Variants in ATP6V1A observed in about 807,000 individuals in gnomAD.
ATP6V1A encodes the protein V-type proton ATPase catalytic subunit A.
ATP6V1A carries 18 observed loss-of-function variants against 70.1 expected under a neutral mutation model. The observed-to-expected ratio is 0.26, with a 90% CI of 0.18 to 0.38. The LOEUF (loss-of-function observed/expected upper bound fraction) is 0.38. ATP6V1A is among the 10% of genes least tolerant of loss of function. The pLI, the probability that ATP6V1A is intolerant of heterozygous loss-of-function variation, is 1.00. For synonymous variants in ATP6V1A, 232 were observed against 253.8 expected (o/e 0.91, Z 0.82); for missense variants, 424 against 772.4 (o/e 0.55, Z 5.35).
At chr3:113,760,483 C>G (rs1219787938) in intron 1 of ATP6V1A, among the ~76,000 whole-genome samples, 3 of 152,056 alleles carry the variant, frequency 2.0e-5, no homozygotes, top group Non-Finnish European at 4.4e-5. Flanking sequence ...AATCCCAGCA[C>G]TTTGGGAGGC....
chr3:113,779,848 T>C (rs1708959251), intron 2 of ATP6V1A, among the ~76,000 whole-genome samples: 1 of 152,192 alleles, frequency 6.6e-6, no homozygotes, highest in African/African-American at 2.4e-5. Flanking sequence ...ATTTTTATTT[T>C]ATTTTAAAAA....
intron 12 of ATP6V1A, among the ~76,000 whole-genome samples, chr3:113,800,610 A>G (rs1235406516): frequency 2.0e-5 from 3 of 152,238 alleles, no homozygotes; most frequent in African/African-American, 7.2e-5. Context: ...CAAAGTTAGA[A>G]TCCAGATAGA....
At chr3:113,775,951 A>G (rs562324218) in intron 1 of ATP6V1A, among the ~76,000 whole-genome samples, 1 of 152,246 alleles carries the variant, frequency 6.6e-6, no homozygotes, top group Admixed American at 6.5e-5. Context: ...TTTCCCCCGT[A>G]TTATCTCATA....
intron 1 of ATP6V1A, among the ~76,000 whole-genome samples, chr3:113,767,691 G>T (rs12495713): frequency 2.0e-5 from 3 of 151,662 alleles, no homozygotes; most frequent in African/African-American, 7.3e-5. Context: ...TTGCTCTGTC[G>T]CCCAGGCTGG....
rs907186590 is a variant in ATP6V1A, at chr3:113,809,492, G to A, written c.*65G>A. 5 of 1,432,072 alleles carry A rather than the reference G, an allele frequency of 3.5e-6. No homozygotes were observed. The highest frequency in any genetic ancestry group is 4.8e-6 in the Non-Finnish European group (5 of 1,031,450). The allele number at this position is 1,432,072 out of a possible 1,614,324, so 88.7% of individuals were successfully genotyped here. A position where few individuals can be genotyped will look rare whatever the true frequency, so the allele number is the denominator to read the frequency against. On this transcript the variant is annotated 3_prime_UTR_variant, in exon 15 of 15. Coordinates refer to ENST00000273398, the MANE Select transcript of ATP6V1A (RefSeq NM_001690.4). ...CAAGCTCCTATGTGTATATTTTCCT[G>A]AATTTCTCATCTCAAACCCTTTGCT...
chr3:113,809,739 C>T lies in ATP6V1A; in HGVS notation c.*312C>T, dbSNP rs1352411328. ...CCTCTTTGTCCTAGGTGTACCCTTT[C>T]CTCATCTCTATTAAATTGTAAACAG... On this transcript the variant is annotated 3_prime_UTR_variant, in exon 15 of 15. Coordinates refer to ENST00000273398, the MANE Select transcript of ATP6V1A (RefSeq NM_001690.4). The T allele has an allele frequency of 5.4e-6, 1 of 184,116 alleles. No homozygotes were observed. 11.4% of individuals were successfully genotyped at this position (184,116 alleles called of 1,614,324 possible).
At chr3:113,754,384 T>G (rs1030868658) in intron 1 of ATP6V1A, among the ~76,000 whole-genome samples, 1 of 151,868 alleles carries the variant, frequency 6.6e-6, no homozygotes, top group Admixed American at 6.6e-5. Context: ...ATTAAAAAAA[T>G]TATTTGGGCA....
intron 1 of ATP6V1A, among the ~76,000 whole-genome samples, chr3:113,763,169 T>C (rs1293357149): frequency 6.6e-6 from 1 of 152,158 alleles, no homozygotes; most frequent in Non-Finnish European, 1.5e-5. Flanking sequence ...CTCGGCTCAC[T>C]GCAGCCTCCG....
chr3:113,805,696 A>G (rs891420077), intron 14 of ATP6V1A, among the ~76,000 whole-genome samples, 171 bp downstream of exon 14: 1 of 152,064 alleles, frequency 6.6e-6, no homozygotes, highest in Non-Finnish European at 1.5e-5. Context: ...AGCCTCCTGA[A>G]TAGCTGGGAC....
chr3:113,783,195 G>A (rs537691785), intron 3 of ATP6V1A, among the ~76,000 whole-genome samples: 39 of 152,040 alleles, frequency 2.6e-4, no homozygotes, highest in Non-Finnish European at 1.6e-4. Context: ...ACTTATCAAT[G>A]TCTTAATGAT....
chr3:113,783,720 AT>A (rs1709007362), intron 3 of ATP6V1A, among the ~76,000 whole-genome samples: 1 of 152,198 alleles, frequency 6.6e-6, no homozygotes, highest in Non-Finnish European at 1.5e-5. Context: ...AAACAGTTTC[AT>A]TATGTTGCTG....
Position 113,805,295 on chromosome 3 carries a change from A to G in ATP6V1A, c.1590-59A>G, listed in dbSNP as rs1427520192. 2.0e-6 allele frequency: 3 copies of G among 1,506,560 alleles called. No homozygotes were observed. In the African/African-American group the frequency reaches 4.2e-5, roughly 21 times the overall value. The allele number at this position is 1,506,560 out of a possible 1,614,324, so 93.3% of individuals were successfully genotyped here. A position where few individuals can be genotyped will look rare whatever the true frequency, so the allele number is the denominator to read the frequency against. On this transcript the variant is annotated intron_variant, in intron 13 of 14. Coordinates refer to ENST00000273398, the MANE Select transcript of ATP6V1A (RefSeq NM_001690.4). ...CTAATGCTCTAGTAGTTTTATATAA[A>G]GTATGAACCTGTTTTGGAGTTTATT... is the stretch of plus-strand genomic sequence containing the variant.
intron 2 of ATP6V1A, among the ~76,000 whole-genome samples, chr3:113,780,025 C>T (rs1230473764): frequency 6.6e-6 from 1 of 152,246 alleles, no homozygotes; most frequent in East Asian, 1.9e-4. Context: ...CTCCCCTTGC[C>T]TCCTGCAATT....
rs116428926 is a variant in ATP6V1A at position 113,811,526 on chromosome 3, C to G, written c.*2099C>G. 128 of 152,656 alleles carry G rather than the reference C, an allele frequency of 8.4e-4. No individual in the cohort carries two copies. Among genetic ancestry groups the G allele is most frequent in the Non-Finnish European group, 1.2e-3 (84 of 68,010 alleles). 9.5% of individuals were successfully genotyped at this position (152,656 alleles called of 1,614,324 possible). ...AAAAGGATTTCAAAAACTTTCTATT[C>G]CTTTCTTAAACCTACCAGCAAACTA... On this transcript the variant is annotated 3_prime_UTR_variant, in exon 15 of 15. Coordinates refer to ENST00000273398, the MANE Select transcript of ATP6V1A (RefSeq NM_001690.4).
rs1008790598 is a variant in ATP6V1A at position 113,792,408 on chromosome 3, G to C, written c.989-2464G>C. ...GCTGAAGTGCAGTGGCATGTTCATGGCTCACTGCAGCTTTGACCTCCTGGT... is the reference window on the plus strand; with the variant it reads ...GCTGAAGTGCAGTGGCATGTTCATGCCTCACTGCAGCTTTGACCTCCTGGT... On this transcript the variant is annotated intron_variant, in intron 8 of 14. Coordinates refer to ENST00000273398, the MANE Select transcript of ATP6V1A (RefSeq NM_001690.4). 4.6e-5 allele frequency among the ~76,000 whole-genome samples: 7 copies of C among 152,016 alleles called. No individual in the cohort carries two copies. The South Asian group carries it at 1.0e-3, about 23-fold the overall frequency.
At chr3:113,786,682 C>G (rs541640061) in intron 6 of ATP6V1A, among the ~76,000 whole-genome samples, 36 of 150,622 alleles carry the variant, frequency 2.4e-4, no homozygotes, top group African/African-American at 8.7e-4. Flanking sequence ...TGGTTGCCCA[C>G]AGAAAGCATT....
chr3:113,769,559 C>T (rs1340965515), intron 1 of ATP6V1A, among the ~76,000 whole-genome samples: 1 of 152,136 alleles, frequency 6.6e-6, no homozygotes, highest in African/African-American at 2.4e-5. Flanking sequence ...TCCCCTTTGC[C>T]CCCAACAGCC....
chr3:113,761,368 A>G (rs1577081327), intron 1 of ATP6V1A, among the ~76,000 whole-genome samples: 1 of 150,852 alleles, frequency 6.6e-6, no homozygotes, highest in South Asian at 2.1e-4. Flanking sequence ...TTAGCTGCTC[A>G]TGATTTTTTT....
chr3:113,808,794 C>G (rs1709307941), intron 14 of ATP6V1A, among the ~76,000 whole-genome samples: 1 of 152,102 alleles, frequency 6.6e-6, no homozygotes, highest in African/African-American at 2.4e-5. Flanking sequence ...GCTTTGGTCA[C>G]TGAATGTGGT....
Sources: gnomAD v4.1 joint callset for allele counts (sites outside exome capture counted in the v4.1 genomes callset) on GRCh38, gnomAD v4.1.1 for gene constraint, MANE v1.5 for transcripts, NCBI Gene and HGNC (gene_info 2026-07-23, HGNC 2026-07-21) for gene names.